The following CCSER1 variants were observed in gnomAD, a reference collection of about 807,000 sequenced individuals.
The protein encoded by CCSER1 is serine-rich coiled-coil domain-containing protein 1.
CCSER1 carries 41 observed loss-of-function variants against 82.0 expected under a neutral mutation model. That is an observed-to-expected ratio of 0.50 (90% CI 0.39 to 0.65). CCSER1 has a LOEUF of 0.65. CCSER1 is among the 30% of genes least tolerant of loss of function. CCSER1 has a pLI of 0.00. For missense variants in CCSER1, 1,119 were observed against 1,064.2 expected (o/e 1.05, Z -0.72); for synonymous variants, 414 against 383.9 (o/e 1.08, Z -0.92).
chr4:91,074,991 C>T (rs1721820327), intron 9 of CCSER1, among the ~76,000 whole-genome samples: 2 of 152,184 alleles, frequency 1.3e-5, no homozygotes, highest in Admixed American at 1.3e-4. Context: ...TTTTTGTTTA[C>T]AGGGAAGCAG....
At chr4:90,711,820 T>C (rs900696788) in intron 6 of CCSER1, among the ~76,000 whole-genome samples, 10 of 151,718 alleles carry the variant, frequency 6.6e-5, no homozygotes, top group African/African-American at 2.4e-4. Flanking sequence ...TCTGCCAGGT[T>C]TGGGGATGAT....
intron 7 of CCSER1, among the ~76,000 whole-genome samples, chr4:90,736,285 C>G (rs1745637143): frequency 6.6e-6 from 1 of 152,050 alleles, no homozygotes; most frequent in African/African-American, 2.4e-5. Context: ...GATGATCTGT[C>G]CAATGCTGAA....
At chr4:91,574,188 G>A (rs537244371) in intron 10 of CCSER1, among the ~76,000 whole-genome samples, 9 of 151,148 alleles carry the variant, frequency 6.0e-5, no homozygotes, top group African/African-American at 1.9e-4. Context: ...AGGTACTGAA[G>A]AACTAAAATA....
intron 10 of CCSER1, among the ~76,000 whole-genome samples, chr4:91,091,102 A>G (rs766940742): frequency 2.6e-5 from 4 of 152,146 alleles, no homozygotes; most frequent in Non-Finnish European, 5.9e-5. Context: ...ATTTTCGGTC[A>G]TGTATCTTTT....
chr4:90,669,992 C>G (rs1462222234), intron 6 of CCSER1, among the ~76,000 whole-genome samples: 1 of 151,934 alleles, frequency 6.6e-6, no homozygotes, highest in Middle Eastern at 3.2e-3. Context: ...TACAGTGATA[C>G]AGTAATAGGG....
At chr4:91,576,880 G>GT (rs1269358692) in intron 10 of CCSER1, among the ~76,000 whole-genome samples, 5 of 151,872 alleles carry the variant, frequency 3.3e-5, no homozygotes, top group Non-Finnish European at 4.4e-5. Flanking sequence ...GCACACAAAG[G>GT]TAACTATGTG....
chr4:90,495,059 T>G (rs1768765757), intron 5 of CCSER1, among the ~76,000 whole-genome samples: 1 of 152,180 alleles, frequency 6.6e-6, no homozygotes, highest in Non-Finnish European at 1.5e-5. Flanking sequence ...AACATTGCCC[T>G]GCTTGCAAAT....
intron 9 of CCSER1, among the ~76,000 whole-genome samples, chr4:90,955,750 A>G (rs1363262613): frequency 6.6e-6 from 1 of 152,108 alleles, no homozygotes; most frequent in African/African-American, 2.4e-5. Flanking sequence ...GAAACAAATT[A>G]AGTCCTGTCT....
intron 1 of CCSER1, among the ~76,000 whole-genome samples, chr4:90,153,299 G>T (rs34085642): frequency 0.28 from 42,424 of 151,198 alleles, 7,400 homozygotes; most frequent in East Asian, 0.64. Context: ...TGGACATTTG[G>T]GTTGGTTCCA....
intron 9 of CCSER1, among the ~76,000 whole-genome samples, chr4:90,975,390 A>G (rs1044466604): frequency 3.3e-5 from 5 of 151,324 alleles, no homozygotes; most frequent in African/African-American, 1.2e-4. Flanking sequence ...TATGCTAACC[A>G]TTTTACTATC....
chr4:90,710,317 G>T (rs1490903576), intron 6 of CCSER1, among the ~76,000 whole-genome samples: 1 of 151,946 alleles, frequency 6.6e-6, no homozygotes, highest in Non-Finnish European at 1.5e-5. Flanking sequence ...TTGCTGTGCA[G>T]CAGTTCTTTA....
intron 1 of CCSER1, among the ~76,000 whole-genome samples, chr4:90,155,885 T>G (rs1728041386): frequency 6.6e-6 from 1 of 151,840 alleles, no homozygotes; most frequent in African/African-American, 2.4e-5. Context: ...AGTTCTGCTC[T>G]GATTTTAGTT....
intron 10 of CCSER1, among the ~76,000 whole-genome samples, chr4:91,115,854 T>TATA (rs1726535139): frequency 7.1e-6 from 1 of 140,248 alleles, no homozygotes; most frequent in African/African-American, 2.7e-5. Flanking sequence ...TATATATATA[T>TATA]ATATATTTTT....
chr4:90,388,729 C>T (rs535217116), intron 3 of CCSER1, among the ~76,000 whole-genome samples: 50 of 152,068 alleles, frequency 3.3e-4, no homozygotes, highest in African/African-American at 4.8e-4. Context: ...TCCATCTCCT[C>T]GGTTCAACGG....
chr4:90,901,315 G>A (rs1270922258), intron 8 of CCSER1, among the ~76,000 whole-genome samples: 1 of 151,656 alleles, frequency 6.6e-6, no homozygotes, highest in Non-Finnish European at 1.5e-5. Flanking sequence ...GATATGTGAG[G>A]TTTTGTTCCC....
At chr4:90,193,985 T>G (rs572450922) in intron 1 of CCSER1, among the ~76,000 whole-genome samples, 1 of 152,166 alleles carries the variant, frequency 6.6e-6, no homozygotes, top group African/African-American at 2.4e-5. Flanking sequence ...AGTAAACATT[T>G]CTTTGTTCAT....
At chr4:90,937,594 C>T (rs1023659966) in intron 9 of CCSER1, among the ~76,000 whole-genome samples, 8 of 152,038 alleles carry the variant, frequency 5.3e-5, no homozygotes, top group Non-Finnish European at 1.2e-4. Flanking sequence ...ATTGTACCCT[C>T]CCCTATTTAT....
At chr4:90,853,735 A>G (rs1464162970) in intron 8 of CCSER1, among the ~76,000 whole-genome samples, 2 of 152,180 alleles carry the variant, frequency 1.3e-5, no homozygotes, top group Non-Finnish European at 2.9e-5. Context: ...GGAATAATAC[A>G]TAGTGTTTCT....
At chr4:90,592,686 G>T (rs571255017) in intron 5 of CCSER1, among the ~76,000 whole-genome samples, 5 of 151,938 alleles carry the variant, frequency 3.3e-5, no homozygotes, top group Non-Finnish European at 5.9e-5. Flanking sequence ...ATTATTTTGT[G>T]TTGTATTAGC....
Sources: gnomAD v4.1 joint callset for allele counts (sites outside exome capture counted in the v4.1 genomes callset) on GRCh38, gnomAD v4.1.1 for gene constraint, MANE v1.5 for transcripts, NCBI Gene and HGNC (gene_info 2026-07-23, HGNC 2026-07-21) for gene names.